Variants in TAFA1 observed in about 807,000 individuals in gnomAD.
The protein encoded by TAFA1 is TAFA chemokine like family member 1.
In TAFA1, 4 loss-of-function variants were observed where a neutral mutation model predicts 18.5. The ratio of observed to expected loss-of-function variants is 0.22; its 90% CI spans 0.11 to 0.49. TAFA1 has a LOEUF of 0.49. TAFA1 is among the 20% of genes least tolerant of loss of function. The probability of loss-of-function intolerance (pLI) is 0.98; values close to 1 mark genes in which losing one functional copy is unlikely to be tolerated. For synonymous variants in TAFA1, 56 were observed against 55.2 expected, an observed-to-expected ratio of 1.01 and a Z score of -0.06; for missense variants, 147 against 169.0, an observed-to-expected ratio of 0.87 and a Z score of 0.72.
chr3:68,324,484 C>T (rs928467400), intron 2 of TAFA1, among the ~76,000 whole-genome samples: 1 of 152,152 alleles, frequency 6.6e-6, no homozygotes, highest in African/African-American at 2.4e-5. Context: ...GGAGGGAGCA[C>T]ACCTTGGAAG....
intron 2 of TAFA1, among the ~76,000 whole-genome samples, chr3:68,286,945 A>G (rs1339325002): frequency 2.6e-5 from 4 of 152,202 alleles, no homozygotes; most frequent in African/African-American, 7.2e-5. Flanking sequence ...GTGCTGTACA[A>G]TTGGAACAGA....
intron 2 of TAFA1, among the ~76,000 whole-genome samples, chr3:68,230,292 T>A (rs2066856416): frequency 6.6e-6 from 1 of 151,266 alleles, no homozygotes; most frequent in Non-Finnish European, 1.5e-5. Context: ...CTTCCCTGAC[T>A]CTGATAACCG....
intron 3 of TAFA1, among the ~76,000 whole-genome samples, chr3:68,451,468 A>T (rs934117898): frequency 7.9e-5 from 12 of 152,200 alleles, no homozygotes; most frequent in African/African-American, 2.9e-4. Flanking sequence ...ATGTTTCAAA[A>T]GAGGGAGAAA....
At chr3:68,027,118 C>T (rs1288220047) in intron 2 of TAFA1, among the ~76,000 whole-genome samples, 1 of 152,102 alleles carries the variant, frequency 6.6e-6, no homozygotes, top group South Asian at 2.1e-4. Context: ...CTGCATGATC[C>T]AATCACCTCC....
At chr3:68,044,579 T>C (rs1393615755) in intron 2 of TAFA1, among the ~76,000 whole-genome samples, 2 of 152,222 alleles carry the variant, frequency 1.3e-5, no homozygotes, top group Admixed American at 6.5e-5. Flanking sequence ...GAAACAGATA[T>C]ATTCTCTTCA....
intron 2 of TAFA1, among the ~76,000 whole-genome samples, chr3:68,039,870 G>T (rs1039204750): frequency 4.6e-5 from 7 of 152,260 alleles, no homozygotes; most frequent in Admixed American, 1.3e-4. Flanking sequence ...AGTCCCATTG[G>T]AGGGGTGAAT....
intron 2 of TAFA1, among the ~76,000 whole-genome samples, chr3:68,336,347 A>ATCC (rs1381614390): frequency 6.6e-5 from 10 of 152,088 alleles, no homozygotes; most frequent in Non-Finnish European, 1.2e-4. Flanking sequence ...TGCTTTTGGG[A>ATCC]TCCTCCTAAC....
intron 2 of TAFA1, among the ~76,000 whole-genome samples, chr3:68,217,896 CA>C (rs1189431049): frequency 6.6e-6 from 1 of 151,920 alleles, no homozygotes; most frequent in Admixed American, 6.6e-5. Context: ...ATTTTATTAT[CA>C]TCATTATTAT....
At chr3:68,267,730 G>T (rs557405972) in intron 2 of TAFA1, among the ~76,000 whole-genome samples, 1 of 151,838 alleles carries the variant, frequency 6.6e-6, no homozygotes, top group South Asian at 2.1e-4. Context: ...ATGGATCTAT[G>T]CATGTTTTAA....
chr3:68,370,704 T>C (rs997085422), intron 2 of TAFA1, among the ~76,000 whole-genome samples: 11 of 148,928 alleles, frequency 7.4e-5, no homozygotes, highest in African/African-American at 2.7e-4. Context: ...AAACTACATA[T>C]AAGAGCCACA....
intron 2 of TAFA1, among the ~76,000 whole-genome samples, chr3:68,348,228 G>A (rs566983978): frequency 2.2e-4 from 34 of 152,200 alleles, no homozygotes; most frequent in Non-Finnish European, 2.9e-4. Context: ...ATGAGACCTT[G>A]TAAAAATTAA....
chr3:68,461,055 G>A (rs377375022), intron 3 of TAFA1, among the ~76,000 whole-genome samples: 4 of 152,046 alleles, frequency 2.6e-5, no homozygotes, highest in Admixed American at 6.6e-5. Flanking sequence ...GCTGAGGTGG[G>A]TGGATCCCCT....
At chr3:68,498,722 C>CTTTTTTTTTTTTTTTT (rs34030223) in intron 3 of TAFA1, among the ~76,000 whole-genome samples, 4 of 97,030 alleles carry the variant, frequency 4.1e-5, no homozygotes, top group East Asian at 3.0e-4. Context: ...CGTTTGGTGG[C>CTTTTTTTTTTTTTTTT]TTTTTTTTTT....
intron 2 of TAFA1, among the ~76,000 whole-genome samples, chr3:68,308,986 C>CTGGTT (rs2068470529): frequency 6.6e-6 from 1 of 152,184 alleles, no homozygotes; most frequent in African/African-American, 2.4e-5. Context: ...TGCTTCACAT[C>CTGGTT]CCTAGAAGCC....
the TAFA1 span, among the ~76,000 whole-genome samples, chr3:67,993,281 T>C: frequency 3.3e-5 from 5 of 152,180 alleles, no homozygotes; most frequent in Non-Finnish European, 5.9e-5. Context: ...TTGTGAGAGG[T>C]AGGAAATACA....
intron 3 of TAFA1, among the ~76,000 whole-genome samples, chr3:68,508,321 C>T (rs952926706): frequency 1.1e-4 from 17 of 151,838 alleles, no homozygotes; most frequent in African/African-American, 4.1e-4. Flanking sequence ...TTCAAGGGGA[C>T]ATAAACATGC....
At chr3:68,183,282 G>A (rs1361853118) in intron 2 of TAFA1, among the ~76,000 whole-genome samples, 1 of 152,150 alleles carries the variant, frequency 6.6e-6, no homozygotes, top group Admixed American at 6.5e-5. Context: ...ACTTCATTAA[G>A]TGATAATATA....
intron 2 of TAFA1, among the ~76,000 whole-genome samples, chr3:68,283,986 G>A (rs957935084): frequency 6.6e-6 from 1 of 152,210 alleles, no homozygotes; most frequent in Non-Finnish European, 1.5e-5. Flanking sequence ...GATATTTCCT[G>A]CAATGGAGAA....
intron 2 of TAFA1, among the ~76,000 whole-genome samples, chr3:68,171,645 T>A (rs1404082949): frequency 6.6e-6 from 1 of 152,172 alleles, no homozygotes; most frequent in Admixed American, 6.6e-5. Flanking sequence ...ATACAAAGAC[T>A]TTAAGCAATT....
Sources: allele counts gnomAD v4.1 joint callset (sites outside exome capture counted in the v4.1 genomes callset), GRCh38; gene constraint gnomAD v4.1.1; transcripts MANE v1.5; gene names NCBI Gene and HGNC (gene_info 2026-07-23, HGNC 2026-07-21).